Variants in DNAH5 observed in about 807,000 individuals in gnomAD.
DNAH5 encodes the protein dynein axonemal heavy chain 5, also known as axonemal beta dynein heavy chain 5.
Under a neutral mutation model 518.2 loss-of-function variants are expected in DNAH5, and 372 were observed. The observed-to-expected ratio is 0.72, with a 90% CI of 0.66 to 0.78. DNAH5 has a LOEUF of 0.78. Among genes scored for constraint, DNAH5 ranks in the 30% least tolerant of loss-of-function variants. The pLI is 0.00. For missense variants in DNAH5, 5,523 were observed against 5,687.0 expected, an observed-to-expected ratio of 0.97 and a Z score of 0.93; for synonymous variants, 2,039 against 2,025.9, an observed-to-expected ratio of 1.01 and a Z score of -0.17.
intron 1 of DNAH5, among the ~76,000 whole-genome samples, chr5:14,002,898 G>A (rs964475303): frequency 2.0e-5 from 3 of 151,988 alleles, no homozygotes; most frequent in Non-Finnish European, 4.4e-5. Flanking sequence ...ACAACCACAA[G>A]TTGTGCTTAT....
intron 1 of DNAH5, among the ~76,000 whole-genome samples, chr5:13,962,588 C>A (rs339434): frequency 6.6e-6 from 1 of 152,270 alleles, no homozygotes; most frequent in South Asian, 2.1e-4. Flanking sequence ...GAGCTTAACT[C>A]CAAATACAGC....
At chr5:13,762,673 T>C (rs745571874) in intron 60 of DNAH5, 49 bp downstream of exon 60, 29 of 1,570,498 alleles carry the variant, frequency 1.8e-5, no homozygotes, top group Non-Finnish European at 2.5e-5. Flanking sequence ...CGGGTCGACC[T>C]GGAGACTCCG....
intron 1 of DNAH5, among the ~76,000 whole-genome samples, chr5:14,006,218 G>A (rs956939140): frequency 3.3e-5 from 5 of 152,176 alleles, no homozygotes; most frequent in African/African-American, 9.7e-5. Flanking sequence ...GCAACCTTGA[G>A]CTTTAACCTC....
intron 55 of DNAH5, among the ~76,000 whole-genome samples, chr5:13,772,866 T>A (rs1404696443): frequency 6.6e-6 from 1 of 152,198 alleles, no homozygotes; most frequent in African/African-American, 2.4e-5. Context: ...CTGGAGGTAA[T>A]AATTTAATTC....
chr5:13,973,274 G>A (rs1054182014), intron 1 of DNAH5, among the ~76,000 whole-genome samples: 2 of 152,204 alleles, frequency 1.3e-5, no homozygotes, highest in Non-Finnish European at 2.9e-5. Context: ...GCTCCAGAAG[G>A]AATGACTGCC....
Position 13,965,833 on chromosome 5 carries a change from G to A in DNAH5, c.13-34589C>T, listed in dbSNP as rs569290108. On this transcript the variant is annotated intron_variant, in intron 1 of 78. Coordinates refer to the DNAH5 transcript ENST00000681290. The stretch of plus-strand genomic sequence containing the variant: ...TTTTTTATTTCAATAGGTATTTGGA[G>A]AACAGGTGGTTCCATGGATATCAAG... 1.3e-4 allele frequency among the ~76,000 whole-genome samples: 20 copies of A among 152,244 alleles called. 1 individual carries two copies. The highest frequency in any genetic ancestry group is 6.2e-4 in the South Asian group (3 of 4,818).
chr5:13,949,307 T>C (rs1434569051), upstream of DNAH5, among the ~76,000 whole-genome samples: 1 of 152,200 alleles, frequency 6.6e-6, no homozygotes, highest in Non-Finnish European at 1.5e-5. Flanking sequence ...TTTTTCTTTA[T>C]ACAATTGCAA....
rs1406335619 is a variant in DNAH5, at chr5:13,901,517, T to C, written c.1787A>G (p.Tyr596Cys). The C allele has an allele frequency of 3.1e-6, 5 of 1,613,718 alleles. No individual in the cohort carries two copies. Among genetic ancestry groups the C allele is most frequent in the East Asian group, 2.2e-5 (1 of 44,868 alleles). ...TGAAATCATATCAATGTCAGCCCCA[T>C]AGTTCTCAAGGATAAGTTGATATTT... Reference protein sequence around the residue: ...DDKYQLILENYGADIDMISKL... With the variant: ...DDKYQLILENCGADIDMISKL... The change falls in exon 14 of 79, where the codon TAT (tyrosine) becomes TGT (cysteine). Residue 596 changes from tyrosine to cysteine, a missense_variant. By Grantham distance (194) the Tyr-to-Cys change is radical. Coordinates refer to ENST00000265104, the MANE Select transcript of DNAH5 (RefSeq NM_001369.3).
intron 35 of DNAH5, among the ~76,000 whole-genome samples, chr5:13,834,597 T>G (rs16902820): frequency 0.15 from 22,779 of 152,134 alleles, 1,764 homozygotes; most frequent in Admixed American, 0.19. Flanking sequence ...GTTATGAGAT[T>G]TGGAGATTGC....
intron 52 of DNAH5, among the ~76,000 whole-genome samples, chr5:13,784,281 T>C (rs1198539422): frequency 6.6e-6 from 1 of 152,234 alleles, no homozygotes; most frequent in Non-Finnish European, 1.5e-5. Context: ...TTCTTCCTTT[T>C]AATTATTAAA....
chr5:13,972,958 G>A (rs573456855), intron 1 of DNAH5, among the ~76,000 whole-genome samples: 1 of 152,130 alleles, frequency 6.6e-6, no homozygotes, highest in East Asian at 1.9e-4. Flanking sequence ...ATAAATAAAT[G>A]TTTTTCAAAA....
rs569526622 is a variant in DNAH5 at position 14,005,679 on chromosome 5, G to T, written c.12+5969C>A. On this transcript the variant is annotated intron_variant, in intron 1 of 78. Coordinates refer to the DNAH5 transcript ENST00000681290. ...GACTTTTTGAAAGACCAAAAATATG[G>T]TGTTTTATTTTTCTTCCTTATATTC... Among the ~76,000 whole-genome samples, 22 of 152,352 alleles carry T rather than the reference G, an allele frequency of 1.4e-4. 2 individuals carry two copies. In the South Asian group the frequency reaches 3.9e-3, roughly 27 times the overall value.
At chr5:13,795,157 A>T (rs1048271816) in intron 47 of DNAH5, among the ~76,000 whole-genome samples, 1 of 152,178 alleles carries the variant, frequency 6.6e-6, no homozygotes, top group Non-Finnish European at 1.5e-5. Flanking sequence ...AAGCAAGAGC[A>T]AACAAATTCA....
intron 31 of DNAH5, among the ~76,000 whole-genome samples, chr5:13,845,920 TCC>T (rs1454426982): frequency 2.7e-5 from 4 of 150,868 alleles, no homozygotes; most frequent in Admixed American, 6.6e-5. Context: ...GACCTCCACT[TCC>T]CGGGTTCAAG....
intron 47 of DNAH5, among the ~76,000 whole-genome samples, chr5:13,795,263 T>C (rs1035819723): frequency 2.9e-4 from 44 of 152,212 alleles, no homozygotes; most frequent in Non-Finnish European, 5.1e-4. Flanking sequence ...ATCTAGGAGC[T>C]GGTTTTTTGA....
upstream of DNAH5, among the ~76,000 whole-genome samples, chr5:13,949,669 G>T (rs1185406165): frequency 2.0e-5 from 3 of 152,196 alleles, no homozygotes; most frequent in African/African-American, 7.2e-5. Context: ...GAAGAGAGCG[G>T]CTTGGGGCTA....
In DNAH5 at chr5:13,717,391, T is replaced by C. The variant is rs751567040; in HGVS notation, c.12629A>G (p.Tyr4210Cys). The C allele has an allele frequency of 2.5e-6, 4 of 1,613,910 alleles. No individual in the cohort carries two copies. Among genetic ancestry groups the C allele is most frequent in the South Asian group, 1.1e-5 (1 of 91,076 alleles). Residue 4210 changes from tyrosine to cysteine, a missense_variant, in exon 73 of 79, where the codon TAC (tyrosine) becomes TGC (cysteine). By Grantham distance (194) the Tyr-to-Cys change is radical (BLOSUM62 -2). Transcript: ENST00000265104. Reference sequence around the variant, plus strand: ...ATTAAAGTCCGCTTGGTTAAATTCGTAGGGGATATTCCACCCCAGGGCACC... The same window carrying C: ...ATTAAAGTCCGCTTGGTTAAATTCGCAGGGGATATTCCACCCCAGGGCACC... ...KFGALGWNIPYEFNQADFNAT... is the reference protein window; with the variant it reads ...KFGALGWNIPCEFNQADFNAT...
chr5:13,857,927 A>G (rs1767853926), intron 30 of DNAH5, among the ~76,000 whole-genome samples: 1 of 152,236 alleles, frequency 6.6e-6, no homozygotes, highest in Admixed American at 6.5e-5. Flanking sequence ...AACCTAGGCA[A>G]TAACATTCAG....
At chr5:13,899,945 G>A (rs184165623) in intron 15 of DNAH5, 23 of 477,696 alleles carry the variant, frequency 4.8e-5, no homozygotes, top group Middle Eastern at 5.7e-4. Context: ...AAAAGAGATC[G>A]TGCCTTTTTC....
Sources: gnomAD v4.1 joint callset for allele counts (sites outside exome capture counted in the v4.1 genomes callset) on GRCh38, gnomAD v4.1.1 for gene constraint, MANE v1.5 for transcripts, NCBI Gene and HGNC (gene_info 2026-07-23, HGNC 2026-07-21) for gene names.